Variants in SMARCC1 observed in about 807,000 individuals in gnomAD.
SMARCC1 encodes SWI/SNF related BAF chromatin remodeling complex subunit C1, also known as SWI/SNF complex subunit SMARCC1.
In SMARCC1, 43 loss-of-function variants were observed where a neutral mutation model predicts 147.4. The observed-to-expected ratio is 0.29, with a 90% confidence interval of 0.23 to 0.38. The LOEUF (loss-of-function observed/expected upper bound fraction) is 0.38. Ranked by LOEUF, SMARCC1 falls within the 10% of genes least tolerant of loss-of-function variation. SMARCC1 has a pLI of 1.00. For synonymous variants in SMARCC1, 495 were observed against 484.4 expected (o/e 1.02, Z -0.29); for missense variants, 1,119 against 1,381.1 (o/e 0.81, Z 3.01).
chr3:47,649,929 T>TA (rs1208879168), intron 21 of SMARCC1, among the ~76,000 whole-genome samples: 1 of 152,148 alleles, frequency 6.6e-6, no homozygotes, highest in Non-Finnish European at 1.5e-5. Context: ...CCTTAGGAAA[T>TA]ACATGGTGGA....
chr3:47,780,842 A>C (rs567042569), intron 1 of SMARCC1, among the ~76,000 whole-genome samples: 13 of 152,320 alleles, frequency 8.5e-5, no homozygotes, highest in Admixed American at 4.6e-4. Context: ...AAAAAAAAAA[A>C]CATTTGTTAT....
intron 19 of SMARCC1, 150 bp downstream of exon 19, chr3:47,670,507 CT>C (rs1413645038): frequency 6.4e-6 from 4 of 629,116 alleles, no homozygotes; most frequent in Non-Finnish European, 1.2e-5. Flanking sequence ...TCGCCTGAGC[CT>C]GGGAGGTAGA....
rs2032069343 is a variant in SMARCC1, at chr3:47,586,221, A to G, written c.*1988T>C. The G allele has an allele frequency of 6.6e-6, 1 of 152,268 alleles. No homozygotes were observed. Among genetic ancestry groups the G allele is most frequent in the African/African-American group, 2.4e-5 (1 of 41,472 alleles). The allele number at this position is 152,268 out of a possible 1,614,324, so 9.4% of individuals were successfully genotyped here. ...GGATCTTTTAAATTTGAAAGTGATC[A>G]CATTAAAGACCTGAGGTTACAAGGG... On this transcript the variant is annotated 3_prime_UTR_variant, in exon 28 of 28. Transcript: ENST00000254480.
intron 15 of SMARCC1, among the ~76,000 whole-genome samples, chr3:47,678,647 ATACTT>A (rs1270450894): frequency 2.0e-5 from 3 of 152,250 alleles, no homozygotes; most frequent in Non-Finnish European, 4.4e-5. Flanking sequence ...CCACATATCT[ATACTT>A]TACTGTGTAC....
intron 2 of SMARCC1, among the ~76,000 whole-genome samples, chr3:47,761,747 G>A (rs1224984634): frequency 6.6e-6 from 1 of 152,064 alleles, no homozygotes; most frequent in African/African-American, 2.4e-5. Flanking sequence ...TCTCACATAC[G>A]GATCATAAAA....
At chr3:47,600,433 C>T (rs1369711405) in intron 26 of SMARCC1, among the ~76,000 whole-genome samples, 1 of 152,094 alleles carries the variant, frequency 6.6e-6, no homozygotes, top group African/African-American at 2.4e-5. Flanking sequence ...TTGACCGTGC[C>T]AGGTGATTTG....
rs55872948 is a variant in SMARCC1 at position 47,652,949 on chromosome 3, C to CTTTTTT, written c.2320+8339_2320+8344dup. 1.2e-4 allele frequency among the ~76,000 whole-genome samples: 15 copies of CTTTTTT among 129,668 alleles called. 1 individual carries two copies. Among genetic ancestry groups the CTTTTTT allele is most frequent in the Non-Finnish European group, 2.1e-4 (13 of 62,798 alleles). 85.1% of individuals were successfully genotyped at this position (129,668 alleles called of 152,430 possible). ...TTGAGTGTTCATCCAGCTTTACTTT[C>CTTTTTT]TTTTTTTTTTTTTTTTTTGAGACGG... is the stretch of plus-strand genomic sequence containing the variant. On this transcript the variant is annotated intron_variant, in intron 21 of 27. Coordinates refer to ENST00000254480, the MANE Select transcript of SMARCC1 (RefSeq NM_003074.4).
chr3:47,596,988 A>G (rs1330363865), intron 26 of SMARCC1, among the ~76,000 whole-genome samples: 2 of 151,838 alleles, frequency 1.3e-5, no homozygotes, highest in Non-Finnish European at 1.5e-5. Context: ...GAGGTCAGGC[A>G]TTTGAGACCA....
intron 2 of SMARCC1, among the ~76,000 whole-genome samples, chr3:47,748,775 T>A (rs6777632): frequency 0.6 from 91,712 of 152,006 alleles, 29,021 homozygotes; most frequent in East Asian, 0.72. Context: ...TACTACAAAA[T>A]AATATACTGG....
intron 21 of SMARCC1, among the ~76,000 whole-genome samples, chr3:47,647,982 C>A (rs1180892820): frequency 6.6e-6 from 1 of 152,134 alleles, no homozygotes. Flanking sequence ...AATCTGCTCA[C>A]TGACATTCTA....
chr3:47,757,191 C>T (rs1489550194), intron 2 of SMARCC1, among the ~76,000 whole-genome samples: 1 of 151,908 alleles, frequency 6.6e-6, no homozygotes, highest in Non-Finnish European at 1.5e-5. Context: ...TTTGAGGCCG[C>T]AGTGAGCTAT....
intron 2 of SMARCC1, among the ~76,000 whole-genome samples, chr3:47,757,783 C>CA (rs60788109): frequency 0.42 from 44,603 of 106,158 alleles, 7,662 homozygotes; most frequent in East Asian, 0.51. Context: ...GGCTCCGTAT[C>CA]AAAAAAAAAA....
In SMARCC1 at chr3:47,680,499, C is replaced by T. The variant is rs375348627; in HGVS notation, c.1395G>A (p.Val465=). Reference sequence around the variant, plus strand: ...ACTCAGGAAGAGCACGCCGTTCAATCACATGAATACTGAAAAGAAGAAGAA... The same window carrying T: ...ACTCAGGAAGAGCACGCCGTTCAATTACATGAATACTGAAAAGAAGAAGAA... The part of the protein sequence containing the change: ...ASWFDYNCIH[V]IERRALPEFF... The change falls in exon 15 of 28, where the codon GTG becomes GTA. Residue 465 remains valine (V), a synonymous_variant. Transcript: ENST00000254480. 1.9e-6 allele frequency: 3 copies of T among 1,550,506 alleles called. No individual in the cohort carries two copies. Among genetic ancestry groups the T allele is most frequent in the Non-Finnish European group, 2.6e-6 (3 of 1,132,544 alleles).
At chr3:47,706,592 T>C (rs2033998116) in intron 9 of SMARCC1, 62 bp from the exon 10 acceptor site, 2 of 1,436,824 alleles carry the variant, frequency 1.4e-6, no homozygotes, top group Non-Finnish European at 1.8e-6. Context: ...CTACAAATCC[T>C]TGGCAAAAGG....
At chr3:47,721,505 A>C (rs764104734) in intron 6 of SMARCC1, among the ~76,000 whole-genome samples, 2 of 152,176 alleles carry the variant, frequency 1.3e-5, no homozygotes, top group East Asian at 3.8e-4. Context: ...GCCTAATAGT[A>C]AGAGAGAAGT....
intron 25 of SMARCC1, among the ~76,000 whole-genome samples, chr3:47,618,558 G>A (rs974647831): frequency 4.0e-5 from 6 of 151,832 alleles, no homozygotes; most frequent in African/African-American, 1.5e-4. Flanking sequence ...CCAGAAAAAA[G>A]TCAAAAGAGA....
chr3:47,678,266 G>A lies in SMARCC1; in HGVS notation c.1503C>T (p.Asn501=). 6.2e-7 allele frequency: 1 copy of A among 1,606,068 alleles called. No homozygotes were observed. Among genetic ancestry groups the A allele is most frequent in the Non-Finnish European group, 8.5e-7 (1 of 1,176,606 alleles). ...CAGTGCTAGTTAAATACTCTTGGGG[G>A]TTTAGACGATACGTGTCAATCATAA... The part of the protein sequence containing the change: ...RNFMIDTYRL[N]PQEYLTSTAC... Residue 501 remains asparagine (N), a synonymous_variant, in exon 16 of 28, where the codon AAC becomes AAT. Transcript: ENST00000254480.
At chr3:47,648,736 C>A (rs1411948153) in intron 21 of SMARCC1, among the ~76,000 whole-genome samples, 1 of 151,936 alleles carries the variant, frequency 6.6e-6, no homozygotes. Flanking sequence ...TAGAGTCTTC[C>A]ATGGACAAAT....
At chr3:47,723,743 G>C (rs1249669802) in intron 6 of SMARCC1, among the ~76,000 whole-genome samples, 2 of 152,052 alleles carry the variant, frequency 1.3e-5, no homozygotes, top group African/African-American at 4.8e-5. Context: ...CTGGGAGGTG[G>C]AGGTTGCAGC....
Sources: allele counts gnomAD v4.1 joint callset (sites outside exome capture counted in the v4.1 genomes callset), GRCh38; gene constraint gnomAD v4.1.1; transcripts MANE v1.5; gene names NCBI Gene and HGNC (gene_info 2026-07-23, HGNC 2026-07-21).